The following FAM110B variants were observed in gnomAD, a reference collection of about 807,000 sequenced individuals.
FAM110B encodes protein FAM110B.
In FAM110B, 6 loss-of-function variants were observed where a neutral mutation model predicts 20.4. The ratio of observed to expected loss-of-function variants is 0.29; its 90% CI spans 0.16 to 0.58. The LOEUF (loss-of-function observed/expected upper bound fraction) is 0.58, where lower values mean the gene tolerates loss of function less well. FAM110B is among the 20% of genes least tolerant of loss of function. FAM110B has a pLI of 0.90. For missense variants in FAM110B, 434 were observed against 498.2 expected, an observed-to-expected ratio of 0.87 and a Z score of 1.23; for synonymous variants, 226 against 214.1, an observed-to-expected ratio of 1.06 and a Z score of -0.49.
intron 3 of FAM110B, among the ~76,000 whole-genome samples, chr8:58,108,674 C>G (rs1466695572): frequency 1.3e-5 from 2 of 152,244 alleles, no homozygotes; most frequent in Non-Finnish European, 2.9e-5. Flanking sequence ...GCGCCAGCTC[C>G]TGCTCCTCCT....
chr8:58,127,562 C>T (rs978687094), intron 3 of FAM110B, among the ~76,000 whole-genome samples: 1 of 151,968 alleles, frequency 6.6e-6, no homozygotes, highest in African/African-American at 2.4e-5. Context: ...ATAATCTACA[C>T]AAAAATGTAA....
intron 1 of FAM110B, among the ~76,000 whole-genome samples, chr8:58,009,505 AG>A (rs1236689480): frequency 6.6e-6 from 1 of 152,250 alleles, no homozygotes; most frequent in African/African-American, 2.4e-5. Context: ...GTTTGAGAAA[AG>A]AATGTAAAAT....
intron 3 of FAM110B, among the ~76,000 whole-genome samples, chr8:58,125,284 G>T (rs1035192239): frequency 1.3e-5 from 2 of 152,166 alleles, no homozygotes; most frequent in Non-Finnish European, 2.9e-5. Flanking sequence ...GGAAGTTGAG[G>T]CTGCAGTGAG....
chr8:58,026,148 A>T (rs1804851700), intron 1 of FAM110B, among the ~76,000 whole-genome samples: 3 of 152,180 alleles, frequency 2.0e-5, no homozygotes, highest in Admixed American at 6.5e-5. Context: ...GCTTGTATAT[A>T]TTTGTACTGA....
chr8:58,094,232 C>T (rs933238170), intron 3 of FAM110B, among the ~76,000 whole-genome samples: 2 of 152,244 alleles, frequency 1.3e-5, no homozygotes, highest in Non-Finnish European at 2.9e-5. Context: ...TATTTCAATA[C>T]CCTTTATTTC....
intron 3 of FAM110B, among the ~76,000 whole-genome samples, chr8:58,120,154 A>G (rs1440751834): frequency 6.6e-6 from 1 of 152,238 alleles, no homozygotes; most frequent in African/African-American, 2.4e-5. Flanking sequence ...AAGATAGGCA[A>G]ACTATGTTTG....
At chr8:58,132,347 G>C (rs1202375752) in intron 3 of FAM110B, among the ~76,000 whole-genome samples, 1 of 152,116 alleles carries the variant, frequency 6.6e-6, no homozygotes, top group Non-Finnish European at 1.5e-5. Context: ...AAAGCAGCAT[G>C]GGGCTTGGCA....
At chr8:58,040,140 C>T (rs545235353) in intron 2 of FAM110B, among the ~76,000 whole-genome samples, 52 of 152,062 alleles carry the variant, frequency 3.4e-4, no homozygotes, top group African/African-American at 1.2e-3. Flanking sequence ...AGCGCTTCTT[C>T]GACATACTGT....
At chr8:58,077,901 C>T (rs1265655206) in intron 3 of FAM110B, among the ~76,000 whole-genome samples, 2 of 152,284 alleles carry the variant, frequency 1.3e-5, no homozygotes, top group East Asian at 1.9e-4. Context: ...TCTTAAATAA[C>T]CTTAAGTCAA....
chr8:58,049,616 A>G (rs1805399632), intron 2 of FAM110B, among the ~76,000 whole-genome samples: 1 of 152,170 alleles, frequency 6.6e-6, no homozygotes, highest in Non-Finnish European at 1.5e-5. Flanking sequence ...GCTACACTGA[A>G]TCTTAAAGAC....
At chr8:58,006,921 A>ATTTTTTTTTT (rs142497701) in intron 1 of FAM110B, among the ~76,000 whole-genome samples, 4 of 119,668 alleles carry the variant, frequency 3.3e-5, no homozygotes, top group African/African-American at 1.0e-4. Flanking sequence ...ATATATATAT[A>ATTTTTTTTTT]TATTTTTCCA....
chr8:58,023,871 G>C (rs1255684857), intron 1 of FAM110B, among the ~76,000 whole-genome samples: 1 of 152,164 alleles, frequency 6.6e-6, no homozygotes, highest in African/African-American at 2.4e-5. Context: ...CCATTTTTAG[G>C]AGTGTTAAAA....
At chr8:58,049,895 T>C (rs138188752) in intron 2 of FAM110B, among the ~76,000 whole-genome samples, 85 of 152,362 alleles carry the variant, frequency 5.6e-4, no homozygotes, top group African/African-American at 2.0e-3. Flanking sequence ...CTTGGAATTA[T>C]TCAGTAAGCA....
At chr8:58,033,823 G>A (rs1039421865) in intron 2 of FAM110B, among the ~76,000 whole-genome samples, 7 of 152,164 alleles carry the variant, frequency 4.6e-5, no homozygotes, top group African/African-American at 1.7e-4. Context: ...CAAGTCAGTT[G>A]ATTGCCACAC....
At chr8:58,062,198 C>A (rs1348298645) in intron 2 of FAM110B, among the ~76,000 whole-genome samples, 1 of 152,166 alleles carries the variant, frequency 6.6e-6, no homozygotes, top group African/African-American at 2.4e-5. Context: ...GGAAAAGCAT[C>A]TCTGCATATA....
At chr8:58,133,816 G>A (rs1803546536) in intron 3 of FAM110B, among the ~76,000 whole-genome samples, 1 of 152,190 alleles carries the variant, frequency 6.6e-6, no homozygotes, top group Non-Finnish European at 1.5e-5. Flanking sequence ...CTGCCCAGTG[G>A]AGCCCACGTC....
intron 1 of FAM110B, among the ~76,000 whole-genome samples, chr8:58,014,385 G>A (rs905256818): frequency 3.9e-5 from 6 of 152,238 alleles, no homozygotes; most frequent in Middle Eastern, 3.4e-3. Context: ...TTATTCACAC[G>A]GTCTGGGGAG....
chr8:58,078,792 C>T (rs565694495), intron 3 of FAM110B, among the ~76,000 whole-genome samples: 217 of 151,976 alleles, frequency 1.4e-3, no homozygotes, highest in African/African-American at 4.8e-3. Context: ...CCTCGTGATC[C>T]GCCCGCCTCA....
At chr8:58,094,176 C>T (rs943068242) in intron 3 of FAM110B, among the ~76,000 whole-genome samples, 2 of 152,194 alleles carry the variant, frequency 1.3e-5, no homozygotes, top group Non-Finnish European at 2.9e-5. Context: ...TCTAAATATA[C>T]AATCATGTCA....
Sources: allele counts gnomAD v4.1 joint callset (sites outside exome capture counted in the v4.1 genomes callset), GRCh38; gene constraint gnomAD v4.1.1; transcripts MANE v1.5; gene names NCBI Gene and HGNC (gene_info 2026-07-23, HGNC 2026-07-21).